Variants in AGO4 observed in about 807,000 individuals in gnomAD.
AGO4 encodes argonaute RISC component 4, also known as protein argonaute-4.
A neutral mutation model predicts 104.7 loss-of-function variants in AGO4; 33 were observed. The ratio of observed to expected loss-of-function variants is 0.32; its 90% CI spans 0.24 to 0.42. The LOEUF is 0.42. Ranked by LOEUF, AGO4 falls within the 10% of genes least tolerant of loss-of-function variation. The pLI is 1.00. For synonymous variants in AGO4, 331 were observed against 364.7 expected, an observed-to-expected ratio of 0.91 and a Z score of 1.05; for missense variants, 711 against 1,083.4, an observed-to-expected ratio of 0.66 and a Z score of 4.83.
At chr1:35,829,055 A>G (rs1304519633) in intron 7 of AGO4, among the ~76,000 whole-genome samples, 1 of 148,596 alleles carries the variant, frequency 6.7e-6, no homozygotes, top group Admixed American at 6.7e-5. Flanking sequence ...TTTTTTGCTT[A>G]TATTCTAATC....
intron 15 of AGO4, among the ~76,000 whole-genome samples, chr1:35,847,872 A>G (rs1031109743): frequency 6.6e-6 from 1 of 152,074 alleles, no homozygotes; most frequent in East Asian, 1.9e-4. Context: ...TTTAATTGAC[A>G]TAATAATTAT....
At chr1:35,835,006 CTT>C (rs34516326) in intron 12 of AGO4, among the ~76,000 whole-genome samples, 52 of 102,984 alleles carry the variant, frequency 5.0e-4, no homozygotes, top group African/African-American at 1.0e-3. Context: ...CAGTTTTAAA[CTT>C]TTTTTTTTTT....
chr1:35,833,892 A>T, intron 11 of AGO4, 98 bp from the exon 12 acceptor site: 1 of 1,126,574 alleles, frequency 8.9e-7, no homozygotes, highest in Non-Finnish European at 1.2e-6. Flanking sequence ...AATTTGGCTA[A>T]GAATTTACAA....
chr1:35,851,251 T>C (rs1644695604), intron 17 of AGO4, 198 bp downstream of exon 17: 1 of 610,270 alleles, frequency 1.6e-6, no homozygotes, highest in African/African-American at 1.8e-5. Flanking sequence ...TATACTTGTG[T>C]TGTGTCTCTA....
rs1366687496 is a variant in AGO4, at chr1:35,846,785, C to T, written c.2176-3372C>T. Among the ~76,000 whole-genome samples, 5 of 152,004 alleles carry T rather than the reference C, an allele frequency of 3.3e-5. No homozygotes were observed. In the South Asian group the frequency reaches 8.3e-4, roughly 25 times the overall value. ...CAAATACATACAGTTCTGTAGGCAT[C>T]ACCACAATAAAAATACACAGTCATC... is the stretch of plus-strand genomic sequence containing the variant. On this transcript the variant is annotated intron_variant, in intron 15 of 17. Transcript: ENST00000373210.
chr1:35,834,246 T>G, intron 12 of AGO4, 72 bp downstream of exon 12: 1 of 1,295,176 alleles, frequency 7.7e-7, no homozygotes, highest in South Asian at 2.4e-5. Context: ...TAAGCTAGGT[T>G]ATGCTGCAGT....
At chr1:35,814,306 CTTTTT>C (rs965569496) in intron 1 of AGO4, among the ~76,000 whole-genome samples, 7 of 151,488 alleles carry the variant, frequency 4.6e-5, no homozygotes, top group African/African-American at 1.5e-4. Flanking sequence ...AGGTTCATTT[CTTTTT>C]TTTAAATTTT....
intron 13 of AGO4, among the ~76,000 whole-genome samples, chr1:35,836,495 C>T (rs1644316649): frequency 1.3e-5 from 2 of 152,150 alleles, no homozygotes; most frequent in African/African-American, 2.4e-5. Flanking sequence ...CTGCAAGCTC[C>T]GCCTCCCGGG....
rs1644832534 is a variant in AGO4, at chr1:35,857,016, A to G, written c.*3411A>G. 2 of 152,160 alleles carry G rather than the reference A, an allele frequency of 1.3e-5. No individual in the cohort carries two copies. Among genetic ancestry groups the G allele is most frequent in the South Asian group, 2.1e-4 (1 of 4,834 alleles). The allele number at this position is 152,160 out of a possible 1,614,324, so 9.4% of individuals were successfully genotyped here. Reference sequence around the variant, plus strand: ...CTGTAAATTCTATTTGCTGCTTCCAAAGGTGATGATTTTCAAGCAGACATG... The same window carrying G: ...CTGTAAATTCTATTTGCTGCTTCCAGAGGTGATGATTTTCAAGCAGACATG... On this transcript the variant is annotated 3_prime_UTR_variant, in exon 18 of 18. Coordinates refer to ENST00000373210, the MANE Select transcript of AGO4 (RefSeq NM_017629.4).
chr1:35,807,976 G>A (rs1643347276), upstream of AGO4, among the ~76,000 whole-genome samples: 1 of 151,054 alleles, frequency 6.6e-6, no homozygotes, highest in Admixed American at 6.6e-5. Flanking sequence ...GCGCGTGCCC[G>A]ACACGTCCAC....
chr1:35,823,482 GT>G (rs1301901649), intron 3 of AGO4, among the ~76,000 whole-genome samples: 3 of 152,058 alleles, frequency 2.0e-5, no homozygotes, highest in Non-Finnish European at 4.4e-5. Flanking sequence ...CTGGAGTGCA[GT>G]GGCGCGATCT....
rs1027869878 is a variant in AGO4, at chr1:35,853,637, C to T, written c.*32C>T. ...CAGAAAAAGAACTCAACCAATTTGG[C>T]ACCCCATGCAGCCTCAAAATGTTTC... On this transcript the variant is annotated 3_prime_UTR_variant, in exon 18 of 18. Transcript: ENST00000373210. 1.3e-5 allele frequency: 21 copies of T among 1,591,158 alleles called. No individual in the cohort carries two copies. In the East Asian group the frequency reaches 4.2e-4, roughly 32 times the overall value.
At chr1:35,840,409 G>A (rs958668191) in intron 13 of AGO4, among the ~76,000 whole-genome samples, 15 of 152,222 alleles carry the variant, frequency 9.9e-5, no homozygotes, top group African/African-American at 3.4e-4. Flanking sequence ...TGATCTGCCT[G>A]CCTCAGCCTT....
intron 15 of AGO4, among the ~76,000 whole-genome samples, chr1:35,849,565 T>C (rs1039115631): frequency 1.3e-5 from 2 of 148,260 alleles, no homozygotes; most frequent in African/African-American, 5.0e-5. Context: ...TGTGTGCCTA[T>C]AGCCCCCGCT....
chr1:35,851,716 C>T (rs747413540), intron 17 of AGO4, among the ~76,000 whole-genome samples: 2 of 152,188 alleles, frequency 1.3e-5, no homozygotes, highest in Non-Finnish European at 1.5e-5. Context: ...AAGTCTATTT[C>T]TGTAAGGGTT....
intron 12 of AGO4, among the ~76,000 whole-genome samples, chr1:35,835,191 G>A (rs1041328271): frequency 1.3e-5 from 2 of 151,784 alleles, no homozygotes; most frequent in African/African-American, 4.8e-5. Context: ...CCAAGTACTG[G>A]GACTACAGGC....
chr1:35,813,082 C>T lies in AGO4; in HGVS notation c.20-3800C>T, dbSNP rs1487985392. Among the ~76,000 whole-genome samples the T allele has an allele frequency of 2.0e-5, 3 of 152,110 alleles. No individual in the cohort carries two copies. The East Asian group carries it at 5.8e-4, about 29-fold the overall frequency. On this transcript the variant is annotated intron_variant, in intron 1 of 17. Transcript: ENST00000373210. ...AATTGTATTGATAGGTCCTCTTGTACACTAGAAGTAGAACTCAACTCCAAG... is the reference window on the plus strand; with the variant it reads ...AATTGTATTGATAGGTCCTCTTGTATACTAGAAGTAGAACTCAACTCCAAG...
intron 1 of AGO4, among the ~76,000 whole-genome samples, chr1:35,814,085 A>AG (rs1467835715): frequency 1.1e-4 from 16 of 151,880 alleles, no homozygotes; most frequent in Admixed American, 3.9e-4. Context: ...AAAAAAAAAA[A>AG]AGAGAGAGAA....
At chr1:35,824,866 C>T (rs1225417312) in intron 3 of AGO4, among the ~76,000 whole-genome samples, 1 of 152,116 alleles carries the variant, frequency 6.6e-6, no homozygotes, top group African/African-American at 2.4e-5. Context: ...GTTGTGCATC[C>T]ATCATCACTA....
Sources: gnomAD v4.1 joint callset for allele counts (sites outside exome capture counted in the v4.1 genomes callset) on GRCh38, gnomAD v4.1.1 for gene constraint, MANE v1.5 for transcripts, NCBI Gene and HGNC (gene_info 2026-07-23, HGNC 2026-07-21) for gene names.